NBEA: variants seen among roughly 807,000 people sequenced by gnomAD.
The protein encoded by NBEA is neurobeachin, also known as lysosomal-trafficking regulator 2.
NBEA carries 44 observed loss-of-function variants against 343.4 expected under a neutral mutation model. That is an observed-to-expected ratio of 0.13 (90% CI 0.10 to 0.16). The LOEUF is 0.16. NBEA is among the 10% of genes least tolerant of loss of function. The pLI, the probability that NBEA is intolerant of heterozygous loss-of-function variation, is 1.00. For synonymous variants in NBEA, 1,175 were observed against 1,238.7 expected (o/e 0.95, Z 1.08); for missense variants, 2,555 against 3,631.3 (o/e 0.70, Z 7.62).
At chr13:35,125,275 G>A (rs992557368) in intron 17 of NBEA, among the ~76,000 whole-genome samples, 3 of 152,166 alleles carry the variant, frequency 2.0e-5, no homozygotes, top group Admixed American at 6.5e-5. Context: ...GGTAAAAGCT[G>A]TTAAGGCTAA....
intron 47 of NBEA, among the ~76,000 whole-genome samples, chr13:35,595,977 A>G (rs1349355994): frequency 6.6e-6 from 1 of 152,052 alleles, no homozygotes; most frequent in East Asian, 1.9e-4. Context: ...GTTGGGTCAC[A>G]TGTCTTTTTC....
intron 36 of NBEA, among the ~76,000 whole-genome samples, chr13:35,335,330 T>A (rs542741115): frequency 2.6e-5 from 4 of 152,192 alleles, no homozygotes; most frequent in African/African-American, 4.8e-5. Context: ...TCTGGGTCTT[T>A]GGTGATTCCA....
chr13:35,317,269 T>C (rs1358639983), intron 36 of NBEA, among the ~76,000 whole-genome samples: 1 of 152,140 alleles, frequency 6.6e-6, no homozygotes, highest in East Asian at 1.9e-4. Context: ...CCATCTTGAG[T>C]TAATTTTTGT....
At chr13:34,982,058 TTTTTA>T (rs1460626104) in intron 1 of NBEA, among the ~76,000 whole-genome samples, 2 of 151,980 alleles carry the variant, frequency 1.3e-5, no homozygotes, top group Non-Finnish European at 2.9e-5. Flanking sequence ...TATTATTTGT[TTTTTA>T]TTTTATTAAT....
intron 41 of NBEA, among the ~76,000 whole-genome samples, chr13:35,488,069 T>C (rs2076367867): frequency 6.6e-6 from 1 of 151,942 alleles, no homozygotes; most frequent in African/African-American, 2.4e-5. Flanking sequence ...AGTACATGAC[T>C]TTTGTATTCA....
intron 36 of NBEA, among the ~76,000 whole-genome samples, chr13:35,346,457 T>G (rs905012652): frequency 1.3e-5 from 2 of 152,158 alleles, no homozygotes; most frequent in Admixed American, 1.3e-4. Flanking sequence ...CTTTTAATTT[T>G]CCATTTCCCT....
At chr13:35,071,017 A>G (rs1593248604) in intron 10 of NBEA, 165 bp downstream of exon 10, 1 of 599,506 alleles carries the variant, frequency 1.7e-6, no homozygotes. Context: ...TACAATAAAT[A>G]AAGAAAACGC....
intron 26 of NBEA, among the ~76,000 whole-genome samples, chr13:35,171,939 T>C (rs2070495062): frequency 6.6e-6 from 1 of 152,088 alleles, no homozygotes; most frequent in African/African-American, 2.4e-5. Flanking sequence ...TGTTCACCTT[T>C]TATCTGTGTG....
intron 30 of NBEA, among the ~76,000 whole-genome samples, chr13:35,188,467 C>T (rs2071898611): frequency 6.6e-6 from 1 of 151,936 alleles, no homozygotes; most frequent in South Asian, 2.1e-4. Context: ...TTTAAGATTC[C>T]CTATATAAGT....
At chr13:35,429,310 C>A (rs948000597) in intron 38 of NBEA, among the ~76,000 whole-genome samples, 8 of 152,196 alleles carry the variant, frequency 5.3e-5, no homozygotes, top group African/African-American at 1.9e-4. Context: ...GGGTTTCACA[C>A]CCATCCTTTG....
rs546682169 is a variant in NBEA at position 35,195,898 on chromosome 13, A to G, written c.4962A>G (p.Glu1654=). 64 of 1,608,020 alleles carry G rather than the reference A, an allele frequency of 4.0e-5. No individual in the cohort carries two copies. Among genetic ancestry groups the G allele is most frequent in the Non-Finnish European group, 5.3e-5 (62 of 1,178,314 alleles). The change falls in exon 31 of 59, where the codon GAA becomes GAG. Residue 1654 remains glutamate (E), a synonymous_variant. Coordinates refer to ENST00000379939, the MANE Select transcript of NBEA (RefSeq NM_001385012.1). ...CTGCATTTCCAGACACCATAAAAGA[A>G]AAAGAAACACCAACTCCTGGTGAAG... is the stretch of plus-strand genomic sequence containing the variant. The part of the protein sequence containing the change: ...TPAAFPDTIK[E]KETPTPGEDI...
chr13:34,973,738 GAA>G (rs1197728750), intron 1 of NBEA, among the ~76,000 whole-genome samples: 1 of 152,158 alleles, frequency 6.6e-6, no homozygotes. Context: ...TGGTTAGCTG[GAA>G]TTCCAAGCCA....
At chr13:35,165,250 A>G (rs187720581) in intron 24 of NBEA, among the ~76,000 whole-genome samples, 22 of 152,268 alleles carry the variant, frequency 1.4e-4, no homozygotes, top group African/African-American at 4.6e-4. Context: ...CTTTTTCTAC[A>G]TGACTCTTTT....
intron 17 of NBEA, among the ~76,000 whole-genome samples, chr13:35,131,297 G>A (rs2067412151): frequency 6.6e-6 from 1 of 152,076 alleles, no homozygotes; most frequent in South Asian, 2.1e-4. Flanking sequence ...AATTATAAGG[G>A]AAATTTATGG....
intron 10 of NBEA, among the ~76,000 whole-genome samples, chr13:35,077,805 A>G (rs2064187297): frequency 6.6e-6 from 1 of 152,132 alleles, no homozygotes; most frequent in Non-Finnish European, 1.5e-5. Context: ...TATCTTCTCT[A>G]GTCACATTTC....
At chr13:35,247,017 G>A (rs117621120) in intron 34 of NBEA, among the ~76,000 whole-genome samples, 4,523 of 152,174 alleles carry the variant, frequency 0.03, 102 homozygotes, top group Non-Finnish European at 0.045. Context: ...ATGTTCCCAG[G>A]AGGATTATGG....
At chr13:35,224,993 T>C (rs960702145) in intron 33 of NBEA, among the ~76,000 whole-genome samples, 1 of 152,178 alleles carries the variant, frequency 6.6e-6, no homozygotes, top group East Asian at 1.9e-4. Flanking sequence ...CCACGGACTT[T>C]AAATTTCTCT....
chr13:35,374,220 A>T (rs1315970481), intron 38 of NBEA, among the ~76,000 whole-genome samples: 1 of 152,130 alleles, frequency 6.6e-6, no homozygotes, highest in Non-Finnish European at 1.5e-5. Context: ...GCCTCAGGTA[A>T]TGGGGAGGCC....
At chr13:35,387,926 G>A (rs188109245) in intron 38 of NBEA, among the ~76,000 whole-genome samples, 6 of 152,142 alleles carry the variant, frequency 3.9e-5, no homozygotes, top group Admixed American at 6.5e-5. Context: ...AATCATCATC[G>A]TCTGAAAGCC....
Sources: allele counts gnomAD v4.1 joint callset (sites outside exome capture counted in the v4.1 genomes callset), GRCh38; gene constraint gnomAD v4.1.1; transcripts MANE v1.5; gene names NCBI Gene and HGNC (gene_info 2026-07-23, HGNC 2026-07-21).